The following SYN3 variants were observed in gnomAD, a reference collection of about 807,000 sequenced individuals.
SYN3 encodes the protein synapsin III.
In SYN3, 35 loss-of-function variants were observed where a neutral mutation model predicts 65.8. That is an observed-to-expected ratio of 0.53 (90% CI 0.41 to 0.70). The LOEUF (loss-of-function observed/expected upper bound fraction) is 0.70. Among genes scored for constraint, SYN3 ranks in the 30% least tolerant of loss-of-function variants. The pLI, the probability that SYN3 is intolerant of heterozygous loss-of-function variation, is 0.00. For missense variants in SYN3, 680 were observed against 749.0 expected (o/e 0.91, Z 1.08); for synonymous variants, 270 against 292.9 (o/e 0.92, Z 0.80).
intron 6 of SYN3, chr22:32,849,312 C>A: frequency 1.4e-6 from 1 of 719,544 alleles, no homozygotes; most frequent in Non-Finnish European, 2.5e-6. Context: ...CTCTTGTAAA[C>A]ACAATCATCT....
At chr22:32,823,265 T>C (rs1190807098) in intron 6 of SYN3, among the ~76,000 whole-genome samples, 1 of 152,174 alleles carries the variant, frequency 6.6e-6, no homozygotes, top group African/African-American at 2.4e-5. Flanking sequence ...AGTTACCTGA[T>C]TGCTCTTACG....
chr22:32,875,520 C>T (rs1394373889), intron 4 of SYN3, among the ~76,000 whole-genome samples: 1 of 152,172 alleles, frequency 6.6e-6, no homozygotes, highest in Non-Finnish European at 1.5e-5. Flanking sequence ...GCACTGGTAC[C>T]TGTGACTGTG....
At chr22:32,935,961 C>CAATGTATATG (rs2050764936) in intron 3 of SYN3, among the ~76,000 whole-genome samples, 1 of 152,166 alleles carries the variant, frequency 6.6e-6, no homozygotes, top group Non-Finnish European at 1.5e-5. Flanking sequence ...TGATTCAAGA[C>CAATGTATATG]AATGTATATG....
chr22:32,583,473 A>G (rs1393403480), intron 7 of SYN3: 2 of 152,236 alleles, frequency 1.3e-5, no homozygotes, highest in Non-Finnish European at 2.9e-5. Flanking sequence ...AGAAGCCCTC[A>G]GCAGACATAT....
chr22:32,598,764 C>T (rs1182800666), intron 6 of SYN3, among the ~76,000 whole-genome samples: 1 of 151,962 alleles, frequency 6.6e-6, no homozygotes, highest in Admixed American at 6.6e-5. Flanking sequence ...AGGATTCCAG[C>T]CCCGGAAACC....
At chr22:32,540,934 C>T (rs896044790) in intron 8 of SYN3, among the ~76,000 whole-genome samples, 1 of 152,138 alleles carries the variant, frequency 6.6e-6, no homozygotes, top group African/African-American at 2.4e-5. Flanking sequence ...TTCTGGCTGC[C>T]CACCTTCCTG....
chr22:32,945,144 C>T (rs2051065840), intron 3 of SYN3, among the ~76,000 whole-genome samples: 1 of 152,176 alleles, frequency 6.6e-6, no homozygotes, highest in Non-Finnish European at 1.5e-5. Context: ...TCAATGCCAT[C>T]CCCATTAAGC....
At position 33,057,269 on chromosome 22, in the gene SYN3, T is replaced by C. The variant is rs192101326; in HGVS notation, c.-163+1023A>G. 7.9e-5 allele frequency among the ~76,000 whole-genome samples: 12 copies of C among 152,306 alleles called. No homozygotes were observed. The East Asian group carries it at 2.3e-3, about 29-fold the overall frequency. ...CCTCCTTCATTCCAGGATAAAATTC[T>C]AAATATTCTAAGGCTGCACTTTAAG... On this transcript the variant is annotated intron_variant, in intron 1 of 13. Coordinates refer to ENST00000358763, the MANE Select transcript of SYN3 (RefSeq NM_003490.4).
At chr22:32,795,934 C>T (rs1483640442) in intron 6 of SYN3, among the ~76,000 whole-genome samples, 4 of 152,268 alleles carry the variant, frequency 2.6e-5, no homozygotes, top group Non-Finnish European at 2.9e-5. Context: ...AGACCTCCAG[C>T]CCAGTCTAAC....
chr22:32,955,064 T>C (rs549654590), intron 3 of SYN3, among the ~76,000 whole-genome samples: 2 of 152,192 alleles, frequency 1.3e-5, no homozygotes, highest in South Asian at 4.1e-4. Flanking sequence ...CCTCGCCTTC[T>C]TGTTCTAGAA....
chr22:32,770,382 A>C (rs1442801002), intron 6 of SYN3, among the ~76,000 whole-genome samples: 1 of 152,060 alleles, frequency 6.6e-6, no homozygotes, highest in East Asian at 1.9e-4. Context: ...CACTGAATAA[A>C]ATAAACTCCT....
intron 6 of SYN3, among the ~76,000 whole-genome samples, chr22:32,835,119 G>A (rs1569262812): frequency 6.6e-6 from 1 of 152,132 alleles, no homozygotes; most frequent in Non-Finnish European, 1.5e-5. Context: ...TTCATGCAGC[G>A]GAATTGGCAT....
intron 1 of SYN3, among the ~76,000 whole-genome samples, chr22:33,036,722 G>A (rs1236911772): frequency 3.3e-5 from 4 of 119,604 alleles, no homozygotes; most frequent in Admixed American, 1.1e-4. Context: ...ACAGAGTTGC[G>A]CTCTTGTTGC....
intron 6 of SYN3, among the ~76,000 whole-genome samples, chr22:32,754,308 C>A (rs1325769462): frequency 6.6e-6 from 1 of 152,152 alleles, no homozygotes; most frequent in South Asian, 2.1e-4. Flanking sequence ...CCTGCAACCA[C>A]GCCTGGCTAC....
intron 6 of SYN3, among the ~76,000 whole-genome samples, chr22:32,774,447 C>T (rs1273040226): frequency 6.6e-6 from 1 of 152,080 alleles, no homozygotes; most frequent in Admixed American, 6.5e-5. Context: ...TAAGGAAGGA[C>T]CCTCCTCCCC....
intron 4 of SYN3, among the ~76,000 whole-genome samples, chr22:32,913,732 G>A (rs2050117028): frequency 6.6e-6 from 1 of 152,162 alleles, no homozygotes; most frequent in Non-Finnish European, 1.5e-5. Context: ...TGCCGGAGTG[G>A]GGAAGAATGA....
intron 4 of SYN3, among the ~76,000 whole-genome samples, chr22:32,880,140 G>T (rs1489330593): frequency 3.3e-5 from 5 of 152,218 alleles, no homozygotes; most frequent in Admixed American, 2.0e-4. Flanking sequence ...TTACTGGTTT[G>T]TAAGAATCAC....
At chr22:33,039,259 C>A (rs2145927010) in intron 1 of SYN3, among the ~76,000 whole-genome samples, 1 of 152,284 alleles carries the variant, frequency 6.6e-6, no homozygotes, top group East Asian at 1.9e-4. Flanking sequence ...GTCTACTTAA[C>A]CCTAAAGTCC....
intron 1 of SYN3, among the ~76,000 whole-genome samples, chr22:33,031,584 C>T (rs1409434982): frequency 6.6e-6 from 1 of 151,984 alleles, no homozygotes; most frequent in African/African-American, 2.4e-5. Flanking sequence ...CTTCTGTGTC[C>T]CCCTGTCCTT....
Sources: allele counts gnomAD v4.1 joint callset (sites outside exome capture counted in the v4.1 genomes callset), GRCh38; gene constraint gnomAD v4.1.1; transcripts MANE v1.5; gene names NCBI Gene and HGNC (gene_info 2026-07-23, HGNC 2026-07-21).